The following TRIM9 variants were observed in gnomAD, a reference collection of about 807,000 sequenced individuals.
TRIM9 encodes the protein E3 ubiquitin-protein ligase TRIM9.
Under a neutral mutation model 78.3 loss-of-function variants are expected in TRIM9, and 26 were observed. The observed-to-expected ratio is 0.33, with a 90% CI of 0.24 to 0.46. The LOEUF (loss-of-function observed/expected upper bound fraction) is 0.46. TRIM9 is among the 20% of genes least tolerant of loss of function. The probability of loss-of-function intolerance (pLI) is 1.00; values close to 1 mark genes in which losing one functional copy is unlikely to be tolerated. For synonymous variants in TRIM9, 398 were observed against 416.5 expected (o/e 0.96, Z 0.54); for missense variants, 787 against 1,036.4 (o/e 0.76, Z 3.30).
At chr14:51,081,183 C>T (rs896073114) in intron 1 of TRIM9, among the ~76,000 whole-genome samples, 2 of 152,078 alleles carry the variant, frequency 1.3e-5, no homozygotes, top group Non-Finnish European at 2.9e-5. Context: ...TAAATGAGAG[C>T]AAAGACTTTA....
At chr14:51,072,457 C>A (rs914173837) in intron 1 of TRIM9, among the ~76,000 whole-genome samples, 1 of 152,016 alleles carries the variant, frequency 6.6e-6, no homozygotes, top group Non-Finnish European at 1.5e-5. Flanking sequence ...TAAAATAAGA[C>A]AGCTTACACA....
At chr14:51,010,559 G>A in intron 3 of TRIM9, 65 bp from the exon 4 acceptor site, 2 of 1,190,676 alleles carry the variant, frequency 1.7e-6, no homozygotes, top group South Asian at 1.3e-5. Flanking sequence ...AAGCAAACTG[G>A]ACCATTGGAA....
intron 1 of TRIM9, among the ~76,000 whole-genome samples, chr14:51,047,463 T>G (rs1406228040): frequency 6.6e-6 from 1 of 152,130 alleles, no homozygotes; most frequent in Non-Finnish European, 1.5e-5. Flanking sequence ...AACCATTCGG[T>G]GCAATGAGGA....
At chr14:51,015,190 T>C (rs1048776551) in intron 3 of TRIM9, among the ~76,000 whole-genome samples, 2 of 152,218 alleles carry the variant, frequency 1.3e-5, no homozygotes, top group African/African-American at 4.8e-5. Context: ...AGGACTGTTG[T>C]GTCTCTTTGA....
chr14:50,990,123 T>A (rs1446631785), intron 7 of TRIM9, among the ~76,000 whole-genome samples: 1 of 152,178 alleles, frequency 6.6e-6, no homozygotes, highest in African/African-American at 2.4e-5. Context: ...GCTCAAGGGA[T>A]CCTCCTCCCT....
intron 7 of TRIM9, among the ~76,000 whole-genome samples, chr14:50,991,528 A>T (rs2053509691): frequency 6.6e-6 from 1 of 152,194 alleles, no homozygotes; most frequent in African/African-American, 2.4e-5. Context: ...CAGGAAAAGC[A>T]GAGACAGAAA....
chr14:51,025,195 A>G, intron 2 of TRIM9, 70 bp downstream of exon 2: 1 of 1,356,796 alleles, frequency 7.4e-7, no homozygotes, highest in Non-Finnish European at 1.0e-6. Context: ...AAAGAGGAGA[A>G]GGAAACTCTC....
intron 12 of TRIM9, among the ~76,000 whole-genome samples, chr14:50,977,847 C>T (rs17123312): frequency 0.023 from 3,468 of 152,236 alleles, 98 homozygotes; most frequent in African/African-American, 0.069. Context: ...TACCAATTTC[C>T]GTGTATCCCC....
chr14:51,051,255 G>A (rs1452358831), intron 1 of TRIM9, among the ~76,000 whole-genome samples: 2 of 152,166 alleles, frequency 1.3e-5, no homozygotes, highest in Admixed American at 1.3e-4. Context: ...TTGCAAGAAA[G>A]GAAGAGAACA....
intron 1 of TRIM9, among the ~76,000 whole-genome samples, chr14:51,088,802 C>T (rs976207943): frequency 2.0e-5 from 3 of 151,900 alleles, no homozygotes; most frequent in Admixed American, 6.6e-5. Flanking sequence ...AATCAAAAAC[C>T]GCCCCTCTAT....
chr14:50,991,327 T>C (rs1443081444), intron 7 of TRIM9, among the ~76,000 whole-genome samples: 1 of 152,214 alleles, frequency 6.6e-6, no homozygotes, highest in African/African-American at 2.4e-5. Flanking sequence ...TGGGATATCA[T>C]GCATGTGTCA....
At chr14:51,072,177 A>T (rs866012996) in intron 1 of TRIM9, among the ~76,000 whole-genome samples, 8 of 152,330 alleles carry the variant, frequency 5.3e-5, no homozygotes, top group Middle Eastern at 3.4e-3. Flanking sequence ...TTCTTTCTGG[A>T]ACATTCCAGG....
chr14:51,009,254 A>G (rs985015182), intron 4 of TRIM9, 21 bp from the exon 5 acceptor site: 1 of 1,613,476 alleles, frequency 6.2e-7, no homozygotes, highest in Non-Finnish European at 8.5e-7. Flanking sequence ...AAAGAGGACC[A>G]CAGCCTAAGA....
chr14:51,025,412 C>CAAGG, intron 1 of TRIM9, 52 bp from the exon 2 acceptor site: 1 of 518,398 alleles, frequency 1.9e-6, no homozygotes. Flanking sequence ...GATACACCAA[C>CAAGG]AAGGCCAGCG....
intron 3 of TRIM9, among the ~76,000 whole-genome samples, chr14:51,017,256 C>T (rs772504369): frequency 2.6e-5 from 4 of 152,220 alleles, no homozygotes; most frequent in African/African-American, 9.7e-5. Context: ...ACCTTCTATA[C>T]TAATGTTATT....
At chr14:51,086,770 A>T (rs1242421159) in intron 1 of TRIM9, among the ~76,000 whole-genome samples, 1 of 151,466 alleles carries the variant, frequency 6.6e-6, no homozygotes, top group African/African-American at 2.4e-5. Flanking sequence ...GAGGAAGGGG[A>T]CTGAAATGAC....
intron 12 of TRIM9, 56 bp from the exon 13 acceptor site, chr14:50,977,409 CACA>C: frequency 7.4e-7 from 1 of 1,360,024 alleles, no homozygotes; most frequent in East Asian, 2.7e-5. Context: ...TGTCCCTTTA[CACA>C]GTGTACCGTG....
intron 1 of TRIM9, among the ~76,000 whole-genome samples, chr14:51,087,754 G>T (rs1252306811): frequency 6.6e-6 from 1 of 152,152 alleles, no homozygotes; most frequent in Admixed American, 6.5e-5. Context: ...TGTCCCCAGA[G>T]CAATATTAAA....
At chr14:50,994,818 G>A (rs893954468) in intron 7 of TRIM9, among the ~76,000 whole-genome samples, 3 of 152,116 alleles carry the variant, frequency 2.0e-5, no homozygotes, top group Non-Finnish European at 4.4e-5. Flanking sequence ...ACCAAGTTTT[G>A]GGGCTTGGGG....
Sources: allele counts gnomAD v4.1 joint callset (sites outside exome capture counted in the v4.1 genomes callset), GRCh38; gene constraint gnomAD v4.1.1; transcripts MANE v1.5; gene names NCBI Gene and HGNC (gene_info 2026-07-23, HGNC 2026-07-21).